KLHL7: variants seen among roughly 807,000 people sequenced by gnomAD.
KLHL7 encodes kelch like family member 7.
KLHL7 carries 44 observed loss-of-function variants against 67.4 expected under a neutral mutation model. The ratio of observed to expected loss-of-function variants is 0.65; its 90% CI spans 0.51 to 0.84. The LOEUF is 0.84. KLHL7 is among the 40% of genes least tolerant of loss of function. The pLI, the probability that KLHL7 is intolerant of heterozygous loss-of-function variation, is 0.00. For synonymous variants in KLHL7, 252 were observed against 243.3 expected (o/e 1.04, Z -0.33); for missense variants, 362 against 718.1 (o/e 0.50, Z 5.67).
At chr7:23,161,320 A>G (rs959162942) in intron 7 of KLHL7, among the ~76,000 whole-genome samples, 2 of 152,230 alleles carry the variant, frequency 1.3e-5, no homozygotes, top group African/African-American at 2.4e-5. Flanking sequence ...ATATTTTCAC[A>G]TCAGTGAGAA....
intron 7 of KLHL7, among the ~76,000 whole-genome samples, chr7:23,153,917 G>A (rs1784617382): frequency 6.6e-6 from 1 of 152,332 alleles, no homozygotes; most frequent in South Asian, 2.1e-4. Context: ...CCAACATGCT[G>A]TAGATCAGGG....
chr7:23,163,201 G>A (rs1391060527), intron 7 of KLHL7, among the ~76,000 whole-genome samples: 2 of 151,724 alleles, frequency 1.3e-5, no homozygotes, highest in Non-Finnish European at 2.9e-5. Context: ...ACGGAGTTTC[G>A]CTCTTGTTGC....
rs527811613 is a variant in KLHL7 at position 23,151,998 on chromosome 7, G to C, written c.794-69G>C. On this transcript the variant is annotated intron_variant, in intron 6 of 10. Transcript: ENST00000339077. ...TGAAATAAAGGCCCTATTATGTCTGGGTATTTCGTTTTCAAAGCACTGGTT... is the reference window on the plus strand; with the variant it reads ...TGAAATAAAGGCCCTATTATGTCTGCGTATTTCGTTTTCAAAGCACTGGTT... 3.7e-5 allele frequency: 53 copies of C among 1,439,044 alleles called. 2 individuals carry two copies. The South Asian group carries it at 5.7e-4, about 16-fold the overall frequency. 89.1% of individuals were successfully genotyped at this position (1,439,044 alleles called of 1,614,324 possible).
At chr7:23,161,723 A>G (rs1784859566) in intron 7 of KLHL7, among the ~76,000 whole-genome samples, 1 of 152,216 alleles carries the variant, frequency 6.6e-6, no homozygotes, top group African/African-American at 2.4e-5. Context: ...TAGTGCTGCA[A>G]TGAAGAACTG....
chr7:23,122,719 A>C (rs981103091), intron 1 of KLHL7, among the ~76,000 whole-genome samples: 2 of 152,096 alleles, frequency 1.3e-5, no homozygotes, highest in African/African-American at 4.8e-5. Context: ...ATTTTATTTT[A>C]TCTTCACAAA....
chr7:23,138,632 G>C (rs1784070855), intron 4 of KLHL7, among the ~76,000 whole-genome samples: 1 of 151,880 alleles, frequency 6.6e-6, no homozygotes, highest in African/African-American at 2.4e-5. Flanking sequence ...CTGCCTCCCG[G>C]GTTCAAGTGA....
intron 1 of KLHL7, among the ~76,000 whole-genome samples, chr7:23,112,298 G>C (rs1213270158): frequency 3.3e-5 from 5 of 152,134 alleles, no homozygotes; most frequent in Admixed American, 1.3e-4. Context: ...ATTGGGGAAA[G>C]GATTATAATT....
intron 7 of KLHL7, among the ~76,000 whole-genome samples, chr7:23,158,116 C>T (rs1031252994): frequency 2.0e-5 from 3 of 152,082 alleles, no homozygotes; most frequent in Non-Finnish European, 2.9e-5. Context: ...GGGCACTTGC[C>T]ACCACACCCC....
chr7:23,112,679 A>G (rs1196474101), intron 1 of KLHL7, among the ~76,000 whole-genome samples: 1 of 152,222 alleles, frequency 6.6e-6, no homozygotes, highest in Non-Finnish European at 1.5e-5. Flanking sequence ...GATTAAAACT[A>G]AAAATACTTA....
chr7:23,152,482 G>T (rs1046822626), intron 7 of KLHL7, among the ~76,000 whole-genome samples: 1 of 141,336 alleles, frequency 7.1e-6, no homozygotes, highest in Non-Finnish European at 1.5e-5. Flanking sequence ...TATGTCAGCA[G>T]CTCCTTGCAT....
In KLHL7 at chr7:23,106,303, G is replaced by A. The variant is rs1402108705; in HGVS notation, c.120+157G>A. The A allele has an allele frequency of 2.7e-6, 4 of 1,495,008 alleles. No homozygotes were observed. In the African/African-American group the frequency reaches 5.6e-5, roughly 21 times the overall value. The allele number at this position is 1,495,008 out of a possible 1,614,324, so 92.6% of individuals were successfully genotyped here. A position where few individuals can be genotyped will look rare whatever the true frequency, so the allele number is the denominator to read the frequency against. Reference sequence around the variant, plus strand: ...TCGCAGGCGAGCGATTCCGCAGTTGGTAGAGGGGCGCGTAAAACAATTCTC... The same window carrying A: ...TCGCAGGCGAGCGATTCCGCAGTTGATAGAGGGGCGCGTAAAACAATTCTC... On this transcript the variant is annotated intron_variant, in intron 1 of 10. Coordinates refer to ENST00000339077, the MANE Select transcript of KLHL7 (RefSeq NM_001031710.3).
intron 1 of KLHL7, among the ~76,000 whole-genome samples, chr7:23,115,546 T>G (rs1037013828): frequency 2.6e-5 from 4 of 151,982 alleles, no homozygotes; most frequent in Admixed American, 2.6e-4. Context: ...GGGTTTTTTT[T>G]GTTTGTTTTT....
intron 5 of KLHL7, among the ~76,000 whole-genome samples, chr7:23,142,700 T>C (rs1784228706): frequency 6.6e-6 from 1 of 152,112 alleles, no homozygotes; most frequent in African/African-American, 2.4e-5. Flanking sequence ...ACACATCAGA[T>C]AAACCCATAT....
chr7:23,165,249 T>C (rs145286507), intron 7 of KLHL7, among the ~76,000 whole-genome samples: 85 of 152,360 alleles, frequency 5.6e-4, no homozygotes, highest in Middle Eastern at 3.4e-3. Flanking sequence ...AGACTATCAG[T>C]AGGATAATGG....
At chr7:23,141,071 A>G (rs1490255103) in intron 5 of KLHL7, 127 bp downstream of exon 5, 1 of 865,092 alleles carries the variant, frequency 1.2e-6, no homozygotes, top group Admixed American at 2.0e-5. Context: ...TACACTAAAC[A>G]GAGTATTGTA....
chr7:23,129,233 T>C (rs1286453351), intron 4 of KLHL7: 1 of 223,428 alleles, frequency 4.5e-6, no homozygotes, highest in East Asian at 1.6e-4. Context: ...GACCTGGGCT[T>C]AGGCAAGGGC....
At chr7:23,121,615 G>T (rs1052766539) in intron 1 of KLHL7, among the ~76,000 whole-genome samples, 1 of 151,250 alleles carries the variant, frequency 6.6e-6, no homozygotes, top group African/African-American at 2.4e-5. Flanking sequence ...TTTCTTGTCT[G>T]TGGATATACC....
chr7:23,145,973 C>A (rs1394134237), intron 6 of KLHL7, among the ~76,000 whole-genome samples: 1 of 152,158 alleles, frequency 6.6e-6, no homozygotes, highest in African/African-American at 2.4e-5. Context: ...CTCAAGCAAC[C>A]CTCCTGCCGA....
intron 6 of KLHL7, among the ~76,000 whole-genome samples, chr7:23,147,693 A>T (rs549464987): frequency 1.8e-4 from 28 of 152,164 alleles, no homozygotes; most frequent in Non-Finnish European, 2.6e-4. Context: ...CCTCAATAGA[A>T]CGGTGTTTGC....
Sources: allele counts gnomAD v4.1 joint callset (sites outside exome capture counted in the v4.1 genomes callset), GRCh38; gene constraint gnomAD v4.1.1; transcripts MANE v1.5; gene names NCBI Gene and HGNC (gene_info 2026-07-23, HGNC 2026-07-21).